The following RANBP2 variants were observed in gnomAD, a reference collection of about 807,000 sequenced individuals.
RANBP2 encodes the protein E3 SUMO-protein ligase RanBP2.
RANBP2 carries 57 observed loss-of-function variants against 303.6 expected under a neutral mutation model. That is an observed-to-expected ratio of 0.19 (90% CI 0.15 to 0.23). The LOEUF (loss-of-function observed/expected upper bound fraction) is 0.23, where lower values mean the gene tolerates loss of function less well. RANBP2 is among the 10% of genes least tolerant of loss of function. The pLI is 1.00. For missense variants in RANBP2, 3,138 were observed against 3,780.8 expected (o/e 0.83, Z 4.46); for synonymous variants, 1,167 against 1,301.5 (o/e 0.90, Z 2.23).
the RANBP2 span, among the ~76,000 whole-genome samples, chr2:109,657,155 G>T: frequency 6.6e-6 from 1 of 152,142 alleles, no homozygotes; most frequent in African/African-American, 2.4e-5. Context: ...ACTCTGCTCT[G>T]TGGGGGACAG....
chr2:109,363,221 A>T, the RANBP2 span, among the ~76,000 whole-genome samples: 2 of 151,736 alleles, frequency 1.3e-5, no homozygotes, highest in African/African-American at 4.8e-5. Flanking sequence ...TTAGCATATC[A>T]GTTGTACCTC....
At chr2:109,021,109 G>C in the RANBP2 span, among the ~76,000 whole-genome samples, 1 of 152,230 alleles carries the variant, frequency 6.6e-6, no homozygotes, top group Non-Finnish European at 1.5e-5. Flanking sequence ...TTGGGCTGGA[G>C]CTGTGCAGAG....
the RANBP2 span, among the ~76,000 whole-genome samples, chr2:108,914,151 T>C: frequency 6.6e-6 from 1 of 151,508 alleles, no homozygotes; most frequent in Admixed American, 6.6e-5. Flanking sequence ...TCCCAGCTAC[T>C]TAGGAGGCTG....
chr2:109,619,923 C>G, the RANBP2 span, among the ~76,000 whole-genome samples: 1 of 152,150 alleles, frequency 6.6e-6, no homozygotes, highest in East Asian at 1.9e-4. Flanking sequence ...GAAGATGACT[C>G]TACAGAAACT....
the RANBP2 span, among the ~76,000 whole-genome samples, chr2:108,838,802 T>C: frequency 6.6e-6 from 1 of 152,268 alleles, no homozygotes; most frequent in African/African-American, 2.4e-5. Flanking sequence ...GAGATTTTTA[T>C]TCCATTTGCT....
rs771059374 is a variant in RANBP2, at chr2:108,768,287, C to G, written c.7748C>G (p.Ser2583Cys). The G allele has an allele frequency of 1.9e-6, 3 of 1,612,006 alleles. No homozygotes were observed. The highest frequency in any genetic ancestry group is 2.5e-6 in the Non-Finnish European group (3 of 1,179,862). ...EPKKCELSKN[S>C]DIEQSSDSKV... ...AAAAAATGTGAACTGTCAAAGAACT[C>G]TGATATCGAACAGTCTTCAGATAGC... Residue 2583 changes from serine (S) to cysteine (C), a missense_variant, in exon 20 of 29, where the codon TCT becomes TGT. Physicochemically the swap from Ser to Cys is moderately radical, Grantham distance 112 (BLOSUM62 -1). This residue lies in a region of RANBP2 where 497 missense variants were observed against 465.8 expected (regional missense o/e 1.07). Coordinates refer to ENST00000283195, the MANE Select transcript of RANBP2 (RefSeq NM_006267.5).
the RANBP2 span, among the ~76,000 whole-genome samples, chr2:109,571,669 C>G: frequency 6.6e-6 from 1 of 152,164 alleles, no homozygotes; most frequent in Non-Finnish European, 1.5e-5. Flanking sequence ...CAAGACTGTC[C>G]TACACTATTT....
At chr2:108,792,934 C>T in the RANBP2 span, among the ~76,000 whole-genome samples, 3 of 150,350 alleles carry the variant, frequency 2.0e-5, no homozygotes, top group Non-Finnish European at 3.0e-5. Flanking sequence ...CATGGTAGCA[C>T]GTGCCTGTAG....
In RANBP2 at chr2:108,728,082, A is replaced by C. The variant is rs1420589802; in HGVS notation, c.73-1050A>C. Among the ~76,000 whole-genome samples the C allele has an allele frequency of 4.6e-5, 7 of 152,290 alleles. No homozygotes were observed. In the East Asian group the frequency reaches 1.2e-3, roughly 25 times the overall value. Reference sequence around the variant, plus strand: ...GGACCAGGGAATCCTCAGTGCCTTAATAGATCCTAAGTACTTACTTATTCT... The same window carrying C: ...GGACCAGGGAATCCTCAGTGCCTTACTAGATCCTAAGTACTTACTTATTCT... On this transcript the variant is annotated intron_variant, in intron 1 of 28. Coordinates refer to ENST00000283195, the MANE Select transcript of RANBP2 (RefSeq NM_006267.5).
At chr2:109,537,428 T>C in the RANBP2 span, among the ~76,000 whole-genome samples, 23 of 152,352 alleles carry the variant, frequency 1.5e-4, no homozygotes, top group African/African-American at 5.3e-4. Context: ...TTATATATTC[T>C]TGGGTTCCTT....
At chr2:108,780,586 G>A (rs1002284049) in intron 25 of RANBP2, among the ~76,000 whole-genome samples, 2 of 148,772 alleles carry the variant, frequency 1.3e-5, no homozygotes, top group African/African-American at 2.5e-5. Context: ...CTGGAGTGCA[G>A]TGGGGCAATC....
chr2:109,195,003 C>T, the RANBP2 span, among the ~76,000 whole-genome samples: 4 of 152,248 alleles, frequency 2.6e-5, 1 homozygote, highest in South Asian at 8.3e-4. Flanking sequence ...TGAGAACACA[C>T]AGCTTTTTAG....
the RANBP2 span, chr2:109,615,026 G>C: frequency 1.3e-6 from 2 of 1,547,174 alleles, no homozygotes; most frequent in Non-Finnish European, 1.7e-6. Context: ...TGGAGCTCCC[G>C]CCACATGGCT....
chr2:109,682,594 A>T, the RANBP2 span, among the ~76,000 whole-genome samples: 4 of 152,158 alleles, frequency 2.6e-5, no homozygotes, highest in African/African-American at 9.7e-5. Context: ...AGACCTGCCA[A>T]GGAGAAAAAT....
the RANBP2 span, among the ~76,000 whole-genome samples, chr2:109,087,988 G>T: frequency 6.6e-6 from 1 of 152,188 alleles, no homozygotes; most frequent in African/African-American, 2.4e-5. Flanking sequence ...TCTTCGGCCG[G>T]GCGCGTTGGC....
At chr2:108,755,696 A>G (rs1676256018) in intron 17 of RANBP2, among the ~76,000 whole-genome samples, 1 of 151,704 alleles carries the variant, frequency 6.6e-6, no homozygotes, top group East Asian at 1.9e-4. Context: ...CCCAGCCTAC[A>G]TACCTCGGTC....
chr2:108,907,754 A>G, the RANBP2 span: 2 of 1,359,096 alleles, frequency 1.5e-6, no homozygotes. Flanking sequence ...CTTCTGGGAG[A>G]AACACCCCGT....
chr2:109,595,570 T>C, the RANBP2 span, among the ~76,000 whole-genome samples: 1 of 151,948 alleles, frequency 6.6e-6, no homozygotes, highest in African/African-American at 2.4e-5. Context: ...TAGAGATCAC[T>C]GAAGGCAGGA....
chr2:108,967,500 A>G, the RANBP2 span, among the ~76,000 whole-genome samples: 1 of 151,924 alleles, frequency 6.6e-6, no homozygotes, highest in Non-Finnish European at 1.5e-5. Context: ...TTGTCTTTTT[A>G]TCCTTTTTTT....
Sources: allele counts gnomAD v4.1 joint callset (sites outside exome capture counted in the v4.1 genomes callset), GRCh38; gene constraint gnomAD v4.1.1; regional missense constraint gnomAD v4.1.1; transcripts MANE v1.5; gene names NCBI Gene and HGNC (gene_info 2026-07-23, HGNC 2026-07-21).